The following SLC25A53 variants were observed in gnomAD, a reference collection of about 807,000 sequenced individuals.
SLC25A53 encodes solute carrier family 25 member 53.
SLC25A53 carries 5 observed loss-of-function variants against 15.0 expected under a neutral mutation model. The ratio of observed to expected loss-of-function variants is 0.33; its 90% CI spans 0.17 to 0.70. SLC25A53 has a LOEUF of 0.70. SLC25A53 is among the 30% of genes least tolerant of loss of function. The pLI is 0.67. For missense variants in SLC25A53, 216 were observed against 241.6 expected, an observed-to-expected ratio of 0.89 and a Z score of 0.70; for synonymous variants, 95 against 100.0, an observed-to-expected ratio of 0.95 and a Z score of 0.30.
chrX:104,156,403 T>C (rs911600312), intron 1 of SLC25A53, among the ~76,000 whole-genome samples: 6 of 111,354 alleles, frequency 5.4e-5, no homozygotes, highest in Non-Finnish European at 7.5e-5. Context: ...CCTTTCCTCA[T>C]CCGGAGCCTC....
intron 1 of SLC25A53, among the ~76,000 whole-genome samples, chrX:104,146,029 C>T (rs1556368746): frequency 8.9e-6 from 1 of 111,880 alleles, no homozygotes; most frequent in Non-Finnish European, 1.9e-5. Context: ...GACCAATATC[C>T]CTGATGAACA....
At chrX:104,128,603 C>G (rs1556364903) in intron 1 of SLC25A53, among the ~76,000 whole-genome samples, 1 of 111,507 alleles carries the variant, frequency 9.0e-6, no homozygotes, top group Non-Finnish European at 1.9e-5. Context: ...ATTTCCCAGT[C>G]ACCTGAAAGG....
chrX:104,106,524 G>C (rs183818321), intron 1 of SLC25A53, among the ~76,000 whole-genome samples: 5 of 111,005 alleles, frequency 4.5e-5, no homozygotes, highest in Non-Finnish European at 9.4e-5. Flanking sequence ...ACAAAGCTTG[G>C]CAGGAACTGC....
At chrX:104,150,239 G>GA (rs782747085) in intron 1 of SLC25A53, among the ~76,000 whole-genome samples, 712 of 51,995 alleles carry the variant, frequency 0.014, 3 homozygotes, top group African/African-American at 0.035. Flanking sequence ...TCTCAAAAAA[G>GA]AAAAAAAAAA....
intron 1 of SLC25A53, among the ~76,000 whole-genome samples, chrX:104,149,232 A>C (rs781839195): frequency 8.9e-6 from 1 of 111,954 alleles, no homozygotes; most frequent in East Asian, 2.8e-4. Context: ...CAAACTCCCC[A>C]CCTCTGTTTG....
chrX:104,126,142 A>G (rs1397988603), intron 1 of SLC25A53, among the ~76,000 whole-genome samples: 2 of 109,716 alleles, frequency 1.8e-5, no homozygotes, highest in Non-Finnish European at 3.8e-5. Flanking sequence ...CCCAGTCTCT[A>G]TACAAAAAAA....
In SLC25A53 at chrX:104,103,642, C is replaced by A. The variant is rs1184314046; in HGVS notation, c.*692G>T. On this transcript the variant is annotated 3_prime_UTR_variant, in exon 2 of 2. Transcript: ENST00000594199. ...GCAGATAACACCAAGCAGACTATAGCAAATGTTTCTATTTTGCATGTAATT... is the reference window on the plus strand; with the variant it reads ...GCAGATAACACCAAGCAGACTATAGAAAATGTTTCTATTTTGCATGTAATT... The A allele has an allele frequency of 3.6e-5, 4 of 111,993 alleles. No individual in the cohort carries two copies. The highest frequency in any genetic ancestry group is 7.5e-5 in the Non-Finnish European group (4 of 53,264). 9.2% of individuals were successfully genotyped at this position (111,993 alleles called of 1,213,427 possible). A position where few individuals can be genotyped will look rare whatever the true frequency, so the allele number is the denominator to read the frequency against.
chrX:104,131,973 G>A (rs1266573960), intron 1 of SLC25A53, among the ~76,000 whole-genome samples: 3 of 111,508 alleles, frequency 2.7e-5, no homozygotes, highest in African/African-American at 9.8e-5. Context: ...AAACTTGGAC[G>A]TCATCCTTAA....
intron 1 of SLC25A53, among the ~76,000 whole-genome samples, chrX:104,105,943 A>T (rs2075307030): frequency 8.9e-6 from 1 of 112,102 alleles, no homozygotes; most frequent in Non-Finnish European, 1.9e-5. Context: ...ACCTGTAGCT[A>T]TATAATAGAG....
chrX:104,129,835 AAC>A (rs1330512124), intron 1 of SLC25A53, among the ~76,000 whole-genome samples: 4 of 93,724 alleles, frequency 4.3e-5, no homozygotes, highest in Non-Finnish European at 6.2e-5. Flanking sequence ...TAAAACTACA[AAC>A]ACATATATAT....
chrX:104,108,994 C>T (rs1466849402), intron 1 of SLC25A53, among the ~76,000 whole-genome samples: 5 of 111,691 alleles, frequency 4.5e-5, no homozygotes, highest in Admixed American at 3.8e-4. Context: ...ATAAAGGGTA[C>T]AGTAATGAAG....
At chrX:104,126,640 G>A (rs1441330332) in intron 1 of SLC25A53, among the ~76,000 whole-genome samples, 1 of 111,134 alleles carries the variant, frequency 9.0e-6, no homozygotes, top group Non-Finnish European at 1.9e-5. Flanking sequence ...GACAGAGTGA[G>A]ACCCTGTCTC....
At chrX:104,154,764 A>G (rs890753558) in intron 1 of SLC25A53, among the ~76,000 whole-genome samples, 2 of 112,407 alleles carry the variant, frequency 1.8e-5, no homozygotes, top group Non-Finnish European at 3.8e-5. Flanking sequence ...TGTGGAATCT[A>G]AAACAATGGA....
intron 1 of SLC25A53, among the ~76,000 whole-genome samples, chrX:104,145,123 A>G: frequency 8.9e-6 from 1 of 112,484 alleles, no homozygotes; most frequent in Non-Finnish European, 1.9e-5. Context: ...CTCAGACTAC[A>G]GTGCAATCAA....
chrX:104,100,164 T>C lies in SLC25A53; in HGVS notation c.*4170A>G, dbSNP rs1197989466. ...TTAGTGTTTAAAAATAAATTGTAAATGCAAAATTAAGTCAGAATATACCAT... is the reference window on the plus strand; with the variant it reads ...TTAGTGTTTAAAAATAAATTGTAAACGCAAAATTAAGTCAGAATATACCAT... On this transcript the variant is annotated 3_prime_UTR_variant, in exon 2 of 2. Coordinates refer to ENST00000594199, the MANE Select transcript of SLC25A53 (RefSeq NM_001012755.5). 1 of 112,017 alleles carries C rather than the reference T, an allele frequency of 8.9e-6. No individual in the cohort carries two copies. The highest frequency in any genetic ancestry group is 3.2e-5 in the African/African-American group (1 of 30,890). 9.2% of individuals were successfully genotyped at this position (112,017 alleles called of 1,213,427 possible).
chrX:104,107,013 C>T (rs1556356395), intron 1 of SLC25A53, among the ~76,000 whole-genome samples: 1 of 104,558 alleles, frequency 9.6e-6, no homozygotes, highest in Non-Finnish European at 2.0e-5. Context: ...TATCTCCCTG[C>T]CCCATCCATA....
intron 1 of SLC25A53, among the ~76,000 whole-genome samples, chrX:104,106,266 T>C (rs1448233239): frequency 1.8e-5 from 2 of 110,840 alleles, no homozygotes; most frequent in African/African-American, 6.6e-5. Context: ...GAGAAGCAAC[T>C]TGGAAGCCAG....
At chrX:104,134,973 CTCCTCCATGA>C (rs1230121135) in intron 1 of SLC25A53, among the ~76,000 whole-genome samples, 1 of 111,093 alleles carries the variant, frequency 9.0e-6, no homozygotes, top group Non-Finnish European at 1.9e-5. Flanking sequence ...TCTCCTGCCA[CTCCTCCATGA>C]TGCCCCAAAG....
At chrX:104,111,097 G>A (rs782385324) in intron 1 of SLC25A53, among the ~76,000 whole-genome samples, 3 of 112,385 alleles carry the variant, frequency 2.7e-5, no homozygotes, top group Non-Finnish European at 5.6e-5. Context: ...CTGATGGCAG[G>A]CCCATTTACT....
Sources: gnomAD v4.1 joint callset for allele counts (sites outside exome capture counted in the v4.1 genomes callset) on GRCh38, gnomAD v4.1.1 for gene constraint, MANE v1.5 for transcripts, NCBI Gene and HGNC (gene_info 2026-07-23, HGNC 2026-07-21) for gene names.